Variants in HS6ST3 observed in about 807,000 individuals in gnomAD.
The protein encoded by HS6ST3 is heparan sulfate 6-O-sulfotransferase 3.
Under a neutral mutation model 36.7 loss-of-function variants are expected in HS6ST3, and 12 were observed. The ratio of observed to expected loss-of-function variants is 0.33; its 90% CI spans 0.21 to 0.53. The LOEUF (loss-of-function observed/expected upper bound fraction) is 0.53. Among genes scored for constraint, HS6ST3 ranks in the 20% least tolerant of loss-of-function variants. The pLI is 0.95. For synonymous variants in HS6ST3, 240 were observed against 257.5 expected, an observed-to-expected ratio of 0.93 and a Z score of 0.65; for missense variants, 584 against 640.9, an observed-to-expected ratio of 0.91 and a Z score of 0.96.
intron 1 of HS6ST3, among the ~76,000 whole-genome samples, chr13:96,665,258 A>G (rs1333814954): frequency 3.3e-5 from 5 of 152,200 alleles, no homozygotes; most frequent in African/African-American, 1.2e-4. Flanking sequence ...TCATTCATGC[A>G]TTCATTGATG....
At chr13:96,117,732 A>T (rs1004731331) in intron 1 of HS6ST3, among the ~76,000 whole-genome samples, 2 of 152,250 alleles carry the variant, frequency 1.3e-5, no homozygotes, top group African/African-American at 4.8e-5. Context: ...TGAATTAAAA[A>T]TATGTAATAG....
chr13:96,464,912 G>T (rs565081390), intron 1 of HS6ST3, among the ~76,000 whole-genome samples: 1 of 150,754 alleles, frequency 6.6e-6, no homozygotes, highest in South Asian at 2.1e-4. Context: ...AGTGTCCATA[G>T]TAAGTGCATT....
At chr13:96,144,286 A>G (rs2054045742) in intron 1 of HS6ST3, among the ~76,000 whole-genome samples, 1 of 152,210 alleles carries the variant, frequency 6.6e-6, no homozygotes, top group Non-Finnish European at 1.5e-5. Context: ...TTCCTTGATT[A>G]TATTAAGATT....
intron 1 of HS6ST3, among the ~76,000 whole-genome samples, chr13:96,547,107 G>A (rs1227719979): frequency 6.6e-6 from 1 of 152,214 alleles, no homozygotes; most frequent in African/African-American, 2.4e-5. Context: ...TCTTATGCGA[G>A]TAAGTTGGTG....
chr13:96,107,387 G>C (rs549749934), intron 1 of HS6ST3, among the ~76,000 whole-genome samples: 2 of 152,174 alleles, frequency 1.3e-5, no homozygotes, highest in South Asian at 4.2e-4. Flanking sequence ...AGAATGGTCG[G>C]GACAAGGTGT....
intron 1 of HS6ST3, among the ~76,000 whole-genome samples, chr13:96,404,663 A>G (rs996681556): frequency 6.6e-6 from 1 of 152,250 alleles, no homozygotes; most frequent in African/African-American, 2.4e-5. Context: ...GAAGTTGGCA[A>G]AAGGCCAATA....
chr13:96,330,333 T>C (rs1047956846), intron 1 of HS6ST3, among the ~76,000 whole-genome samples: 1 of 151,912 alleles, frequency 6.6e-6, no homozygotes, highest in African/African-American at 2.4e-5. Flanking sequence ...GTTGTTCCTT[T>C]CCATGTTTAG....
intron 1 of HS6ST3, among the ~76,000 whole-genome samples, chr13:96,545,250 G>T (rs1436970324): frequency 6.6e-6 from 1 of 152,070 alleles, no homozygotes; most frequent in African/African-American, 2.4e-5. Flanking sequence ...TCAGCTTATT[G>T]TGCTCATGTT....
intron 1 of HS6ST3, among the ~76,000 whole-genome samples, chr13:96,234,623 A>G (rs1011937189): frequency 7.2e-5 from 11 of 152,088 alleles, no homozygotes; most frequent in African/African-American, 2.7e-4. Context: ...CCCTTTATAA[A>G]ACCATCAGAT....
chr13:96,474,677 C>G (rs1392739347), intron 1 of HS6ST3, among the ~76,000 whole-genome samples: 3 of 152,062 alleles, frequency 2.0e-5, no homozygotes, highest in South Asian at 2.1e-4. Flanking sequence ...ATAATCGGCT[C>G]CAATGAAGAG....
chr13:96,556,455 TA>T (rs1364295153), intron 1 of HS6ST3, among the ~76,000 whole-genome samples: 1 of 152,128 alleles, frequency 6.6e-6, no homozygotes, highest in African/African-American at 2.4e-5. Flanking sequence ...GCATAAGCAA[TA>T]TTTTATTTGG....
chr13:96,830,901 T>C (rs1878765508), intron 1 of HS6ST3, among the ~76,000 whole-genome samples: 1 of 152,204 alleles, frequency 6.6e-6, no homozygotes, highest in African/African-American at 2.4e-5. Flanking sequence ...TGGCTTGTGC[T>C]AAAGGACAAA....
chr13:96,330,488 T>G (rs61966929), intron 1 of HS6ST3, among the ~76,000 whole-genome samples: 1 of 140,300 alleles, frequency 7.1e-6, no homozygotes, highest in South Asian at 2.2e-4. Flanking sequence ...AATTCTTTTC[T>G]TTAAGAATGT....
chr13:96,129,607 A>C (rs569570935), intron 1 of HS6ST3, among the ~76,000 whole-genome samples: 1 of 152,316 alleles, frequency 6.6e-6, no homozygotes, highest in Admixed American at 6.5e-5. Context: ...AATCTGACTT[A>C]TCTTGAGTAA....
chr13:96,839,136 G>A lies in HS6ST3; in HGVS notation c.*5938G>A, dbSNP rs1307206797. The A allele has an allele frequency of 6.6e-6, 1 of 152,150 alleles. No individual in the cohort carries two copies. Among genetic ancestry groups the A allele is most frequent in the South Asian group, 2.1e-4 (1 of 4,830 alleles). 9.4% of individuals were successfully genotyped at this position (152,150 alleles called of 1,614,324 possible). ...CAGTGTTTTGAGGAGCAAAAGTTTT[G>A]TGTACTTCAGTAATTGTCACATGTG... is the stretch of plus-strand genomic sequence containing the variant. On this transcript the variant is annotated 3_prime_UTR_variant, in exon 2 of 2. Coordinates refer to ENST00000376705, the MANE Select transcript of HS6ST3 (RefSeq NM_153456.4).
At chr13:96,091,971 C>T (rs2053767286) in intron 1 of HS6ST3, among the ~76,000 whole-genome samples, 2 of 152,100 alleles carry the variant, frequency 1.3e-5, no homozygotes, top group Admixed American at 1.3e-4. Flanking sequence ...AACCCAAACC[C>T]AGGAAAAGGA....
intron 1 of HS6ST3, among the ~76,000 whole-genome samples, chr13:96,516,843 T>C (rs576581423): frequency 2.4e-4 from 37 of 152,338 alleles, no homozygotes; most frequent in African/African-American, 7.9e-4. Context: ...AGTAGGCATT[T>C]TTCTCACACA....
At chr13:96,484,295 C>T (rs1309330118) in intron 1 of HS6ST3, among the ~76,000 whole-genome samples, 1 of 147,244 alleles carries the variant, frequency 6.8e-6, no homozygotes, top group African/African-American at 2.7e-5. Flanking sequence ...CTTCCTTCCT[C>T]CTTCCTTCCT....
At chr13:96,166,602 G>A (rs1475869149) in intron 1 of HS6ST3, among the ~76,000 whole-genome samples, 3 of 128,516 alleles carry the variant, frequency 2.3e-5, no homozygotes, top group African/African-American at 9.3e-5. Context: ...TGTAGAGACA[G>A]GGTTTTGCTG....
Sources: allele counts gnomAD v4.1 joint callset (sites outside exome capture counted in the v4.1 genomes callset), GRCh38; gene constraint gnomAD v4.1.1; transcripts MANE v1.5; gene names NCBI Gene and HGNC (gene_info 2026-07-23, HGNC 2026-07-21).